Variants in SPINK5 observed in about 807,000 individuals in gnomAD.
SPINK5 encodes the protein serine peptidase inhibitor Kazal type 5, also known as serine protease inhibitor Kazal-type 5.
SPINK5 carries 125 observed loss-of-function variants against 151.8 expected under a neutral mutation model. That is an observed-to-expected ratio of 0.82 (90% CI 0.71 to 0.96). SPINK5 has a LOEUF of 0.96. Among genes scored for constraint, SPINK5 ranks in the 40% least tolerant of loss-of-function variants. SPINK5 has a pLI of 0.00. For missense variants in SPINK5, 1,194 were observed against 1,291.9 expected, an observed-to-expected ratio of 0.92 and a Z score of 1.16; for synonymous variants, 374 against 395.3, an observed-to-expected ratio of 0.95 and a Z score of 0.64.
chr5:148,104,760 G>C (rs552143021), intron 15 of SPINK5, among the ~76,000 whole-genome samples, 192 bp from the exon 16 acceptor site: 1 of 152,244 alleles, frequency 6.6e-6, no homozygotes, highest in East Asian at 1.9e-4. Context: ...GCCGAGTGTG[G>C]TGGCATGTGC....
chr5:148,069,246 T>C (rs1259601517), intron 2 of SPINK5, among the ~76,000 whole-genome samples: 1 of 151,578 alleles, frequency 6.6e-6, no homozygotes, highest in East Asian at 1.9e-4. Flanking sequence ...AATAATAATA[T>C]TTAATATTAT....
At chr5:148,126,859 T>G (rs1235563490) in intron 29 of SPINK5, 124 bp from the exon 30 acceptor site, 7 of 765,878 alleles carry the variant, frequency 9.1e-6, no homozygotes, top group Non-Finnish European at 1.4e-5. Context: ...TCCAAAATGC[T>G]GGGGTTACAG....
At chr5:148,109,809 C>A (rs1277094198) in intron 18 of SPINK5, among the ~76,000 whole-genome samples, 3 of 152,162 alleles carry the variant, frequency 2.0e-5, no homozygotes, top group African/African-American at 4.8e-5. Flanking sequence ...TAAGGCAGGT[C>A]GTGCTACCCA....
At chr5:148,064,338 C>T (rs1485474043) in intron 1 of SPINK5, among the ~76,000 whole-genome samples, 2 of 152,124 alleles carry the variant, frequency 1.3e-5, no homozygotes, top group East Asian at 1.9e-4. Flanking sequence ...GAAATTCTTC[C>T]ATTAATTCTT....
At chr5:148,064,172 CT>C (rs1282199690) in intron 1 of SPINK5, 73 bp downstream of exon 1, 3 of 1,533,924 alleles carry the variant, frequency 2.0e-6, no homozygotes, top group East Asian at 4.5e-5. Context: ...TTTTCTCCCC[CT>C]ACTCCTGCCA....
chr5:148,089,077 C>T, intron 6 of SPINK5: 1 of 461,532 alleles, frequency 2.2e-6, no homozygotes, highest in Non-Finnish European at 4.3e-6. Context: ...ATACATGTCA[C>T]ACTTGTCTTT....
At chr5:148,076,374 TC>T (rs1752881071) in intron 4 of SPINK5, among the ~76,000 whole-genome samples, 1 of 151,452 alleles carries the variant, frequency 6.6e-6, no homozygotes, top group East Asian at 2.0e-4. Flanking sequence ...AAAGATTTAA[TC>T]CAGCCACAGA....
chr5:148,121,324 G>T (rs77018155), intron 26 of SPINK5, among the ~76,000 whole-genome samples: 3 of 100,750 alleles, frequency 3.0e-5, no homozygotes, highest in Non-Finnish European at 5.0e-5. Context: ...TTAATGCACC[G>T]ACGGACTCCA....
intron 23 of SPINK5, 123 bp downstream of exon 23, chr5:148,118,687 T>C: frequency 5.0e-6 from 7 of 1,398,146 alleles, no homozygotes; most frequent in Non-Finnish European, 6.9e-6. Context: ...TTCCAAATAT[T>C]CTATTTTTTT....
chr5:148,105,720 G>T (rs938516080), intron 16 of SPINK5, among the ~76,000 whole-genome samples: 1 of 151,482 alleles, frequency 6.6e-6, no homozygotes, highest in Admixed American at 6.6e-5. Context: ...GGGTTCAAGT[G>T]ATTCTCCTGC....
chr5:148,070,683 C>T (rs561066910), intron 3 of SPINK5, among the ~76,000 whole-genome samples: 105 of 152,172 alleles, frequency 6.9e-4, no homozygotes, highest in African/African-American at 1.2e-3. Flanking sequence ...CCAGAGGGCC[C>T]AGTGTCAATA....
chr5:148,112,747 C>G, intron 19 of SPINK5, 121 bp from the exon 20 acceptor site: 1 of 1,503,902 alleles, frequency 6.6e-7, no homozygotes, highest in East Asian at 2.4e-5. Context: ...CCTTTCCACT[C>G]CAAAGCTAAG....
intron 21 of SPINK5, among the ~76,000 whole-genome samples, chr5:148,115,368 G>A (rs1862439): frequency 0.75 from 114,738 of 152,160 alleles, 44,481 homozygotes; most frequent in African/African-American, 0.93. Context: ...AGCTGCAAAA[G>A]TTGTTCAGAT....
chr5:148,104,147 T>G (rs1182941122), intron 15 of SPINK5, among the ~76,000 whole-genome samples: 1 of 152,194 alleles, frequency 6.6e-6, no homozygotes, highest in Non-Finnish European at 1.5e-5. Context: ...TAGCAACTCA[T>G]TTAATGCTCT....
intron 19 of SPINK5, among the ~76,000 whole-genome samples, chr5:148,112,556 C>T (rs1036321853): frequency 1.3e-5 from 2 of 151,980 alleles, no homozygotes; most frequent in African/African-American, 4.8e-5. Context: ...GCATGTAGTC[C>T]CAGCTACTTG....
At chr5:148,118,093 A>G (rs916491835) in intron 22 of SPINK5, among the ~76,000 whole-genome samples, 2 of 152,140 alleles carry the variant, frequency 1.3e-5, no homozygotes, top group African/African-American at 4.8e-5. Flanking sequence ...ATCTTGGCTC[A>G]CCGCAACTTC....
At position 148,126,307 on chromosome 5, in the gene SPINK5, A is replaced by AATAATG. The variant is rs1554107069; in HGVS notation, c.2867+459_2867+460insAATGAT. ...GAAATGGAGACCAATGGACATTATA[A>AATAATG]ATGATGATGATGATGATGATGATGA... On this transcript the variant is annotated intron_variant, in intron 29 of 32. Coordinates refer to ENST00000256084, the MANE Select transcript of SPINK5 (RefSeq NM_006846.4). 2.0e-5 allele frequency among the ~76,000 whole-genome samples: 3 copies of AATAATG among 150,582 alleles called. No homozygotes were observed. The East Asian group carries it at 5.9e-4, about 29-fold the overall frequency.
intron 32 of SPINK5, 39 bp from the exon 33 acceptor site, chr5:148,136,944 C>T (rs1256775950): frequency 6.2e-7 from 1 of 1,613,264 alleles, no homozygotes; most frequent in East Asian, 2.2e-5. Context: ...TGCAATATCT[C>T]TGGGTTCTAG....
In SPINK5 at chr5:148,104,998, A is replaced by G; in HGVS notation, c.1477A>G (p.Lys493Glu). Residue 493 changes from lysine to glutamate, a missense_variant and splice_region_variant, in exon 16 of 33, where the codon AAG becomes GAG. Transcript: ENST00000256084. ...ARAKAKREAA[K>E]EICSEFRDQV... is the part of the protein sequence containing the mutation. ...AGCAAAGGCTAAAAGAGAAGCTGCA[A>G]AGGTAATATTCTCAGGAATGCTGAT... The G allele has an allele frequency of 6.2e-7, 1 of 1,613,936 alleles. No individual in the cohort carries two copies. The highest frequency in any genetic ancestry group is 8.5e-7 in the Non-Finnish European group (1 of 1,179,834).
Sources: allele counts gnomAD v4.1 joint callset (sites outside exome capture counted in the v4.1 genomes callset), GRCh38; gene constraint gnomAD v4.1.1; transcripts MANE v1.5; gene names NCBI Gene and HGNC (gene_info 2026-07-23, HGNC 2026-07-21).